The following TMEM120B variants were observed in gnomAD, a reference collection of about 807,000 sequenced individuals.
TMEM120B encodes transmembrane protein 120B.
TMEM120B carries 31 observed loss-of-function variants against 55.5 expected under a neutral mutation model. The observed-to-expected ratio is 0.56, with a 90% CI of 0.42 to 0.75. The LOEUF (loss-of-function observed/expected upper bound fraction) is 0.75, where lower values mean the gene tolerates loss of function less well. TMEM120B is among the 30% of genes least tolerant of loss of function. TMEM120B has a pLI of 0.00. For missense variants in TMEM120B, 399 were observed against 425.5 expected, an observed-to-expected ratio of 0.94 and a Z score of 0.55; for synonymous variants, 203 against 176.3, an observed-to-expected ratio of 1.15 and a Z score of -1.20.
At chr12:121,752,362 C>T (rs1472364346) in intron 5 of TMEM120B, 139 bp downstream of exon 5, 2 of 677,104 alleles carry the variant, frequency 3.0e-6, no homozygotes, top group Non-Finnish European at 5.1e-6. Context: ...AGAGAGGGGC[C>T]ATTTCTCATG....
rs532984269 is a variant in TMEM120B at position 121,733,870 on chromosome 12, CAT to C, written c.70-9756_70-9755del. Among the ~76,000 whole-genome samples the C allele has an allele frequency of 1.9e-4, 29 of 151,872 alleles. No homozygotes were observed. The South Asian group carries it at 2.5e-3, about 13-fold the overall frequency. ...TTGTTATGTGCGTAGATCTCCAAGACATATTATTGAGTGAGAAAAGCAAGTTA... is the reference window on the plus strand; with the variant it reads ...TTGTTATGTGCGTAGATCTCCAAGACATTATTGAGTGAGAAAAGCAAGTTA... On this transcript the variant is annotated intron_variant, in intron 1 of 11. Coordinates refer to ENST00000449592, the MANE Select transcript of TMEM120B (RefSeq NM_001080825.2).
chr12:121,738,034 G>T (rs184280040), intron 1 of TMEM120B, among the ~76,000 whole-genome samples: 1 of 144,922 alleles, frequency 6.9e-6, no homozygotes, highest in Non-Finnish European at 1.5e-5. Context: ...AAAAAAGAAA[G>T]TCCAGGCACA....
chr12:121,779,371 C>T lies in TMEM120B; in HGVS notation c.*3649C>T. On this transcript the variant is annotated 3_prime_UTR_variant, in exon 12 of 12. Coordinates refer to ENST00000449592, the MANE Select transcript of TMEM120B (RefSeq NM_001080825.2). ...GAAAGGAGAGAGTTCCAGAATGTTC[C>T]AAGAGTCTAGCCGCAGGCCCCAGAC... The T allele has an allele frequency of 9.9e-7, 1 of 1,008,378 alleles. No individual in the cohort carries two copies. Among genetic ancestry groups the T allele is most frequent in the Non-Finnish European group, 1.4e-6 (1 of 700,158 alleles). The allele number at this position is 1,008,378 out of a possible 1,614,324, so 62.5% of individuals were successfully genotyped here.
intron 6 of TMEM120B, among the ~76,000 whole-genome samples, chr12:121,769,194 G>A (rs1332549387): frequency 6.6e-6 from 1 of 151,716 alleles, no homozygotes; most frequent in Non-Finnish European, 1.5e-5. Flanking sequence ...CCCAGCTGGG[G>A]GAGTGCTGAG....
rs201824357 is a variant in TMEM120B, at chr12:121,775,674, C to T, written c.972C>T (p.Val324=). 370 of 1,613,954 alleles carry T rather than the reference C, an allele frequency of 2.3e-4. 1 individual carries two copies. The highest frequency in any genetic ancestry group is 3.0e-4 in the Non-Finnish European group (353 of 1,179,984). Residue 324 remains valine (V), a synonymous_variant, in exon 12 of 12, where the codon GTC becomes GTT. Coordinates refer to ENST00000449592, the MANE Select transcript of TMEM120B (RefSeq NM_001080825.2). The surrounding 1 kb of genome is among the most constrained non-coding windows in gnomAD (Gnocchi z 4.3). ...FLGNFLTTLK[V]VHAKLQKNRG... ...GCAACTTCCTGACCACGCTCAAAGT[C>T]GTGCATGCCAAGCTCCAGAAGAACA...
chr12:121,714,325 C>G (rs866379688), intron 1 of TMEM120B, among the ~76,000 whole-genome samples: 1 of 152,008 alleles, frequency 6.6e-6, no homozygotes, highest in Non-Finnish European at 1.5e-5. Context: ...GGCGTGATCT[C>G]GGCTTACTAC....
chr12:121,719,057 A>T (rs1205612441), intron 1 of TMEM120B, among the ~76,000 whole-genome samples: 1 of 151,912 alleles, frequency 6.6e-6, no homozygotes, highest in Non-Finnish European at 1.5e-5. Flanking sequence ...CCCAGGGCTG[A>T]CTCTCATTGG....
rs776269169 is a variant in TMEM120B at position 121,775,167 on chromosome 12, G to A, written c.906+37G>A. 8 of 1,466,792 alleles carry A rather than the reference G, an allele frequency of 5.5e-6. No homozygotes were observed. Among genetic ancestry groups the A allele is most frequent in the Middle Eastern group, 2.3e-4 (1 of 4,286 alleles). 90.9% of individuals were successfully genotyped at this position (1,466,792 alleles called of 1,614,324 possible). ...GGGGGCATGCTCGGGGGAGGTTCCC[G>A]GGAGGGCTGGGGTGGCAGGGATGGG... On this transcript the variant is annotated intron_variant, in intron 11 of 11. Transcript: ENST00000449592. The surrounding 1 kb of genome is among the most constrained non-coding windows in gnomAD (Gnocchi z 4.3).
rs1252189849 is a variant in TMEM120B, at chr12:121,779,482, G to A, written c.*3760G>A. ...CGGGCCCTGTCAGTGCTGTCGTGAG[G>A]TCTGTCTGCCCTGGGTCAGAGCAGC... On this transcript the variant is annotated 3_prime_UTR_variant, in exon 12 of 12. Transcript: ENST00000449592. 1 of 1,609,420 alleles carries A rather than the reference G, an allele frequency of 6.2e-7. No individual in the cohort carries two copies. Among genetic ancestry groups the A allele is most frequent in the African/African-American group, 1.3e-5 (1 of 74,924 alleles).
chr12:121,757,373 A>C (rs1246169040), intron 5 of TMEM120B, among the ~76,000 whole-genome samples: 1 of 151,170 alleles, frequency 6.6e-6, no homozygotes, highest in African/African-American at 2.4e-5. Flanking sequence ...ACAGAGTCTC[A>C]CTCTGTCTCC....
At chr12:121,767,179 G>C (rs1873876126) in intron 6 of TMEM120B, among the ~76,000 whole-genome samples, 1 of 152,168 alleles carries the variant, frequency 6.6e-6, no homozygotes, top group African/African-American at 2.4e-5. Flanking sequence ...TGTTTTGTTT[G>C]AGATGGAGTC....
Position 121,781,071 on chromosome 12 carries a change from G to C in TMEM120B, c.*5349G>C, listed in dbSNP as rs1874436811. 2 of 1,614,052 alleles carry C rather than the reference G, an allele frequency of 1.2e-6. No individual in the cohort carries two copies. Among genetic ancestry groups the C allele is most frequent in the Non-Finnish European group, 8.5e-7 (1 of 1,180,008 alleles). On this transcript the variant is annotated 3_prime_UTR_variant, in exon 12 of 12. Coordinates refer to ENST00000449592, the MANE Select transcript of TMEM120B (RefSeq NM_001080825.2). ...CCAGATGTGGGGCCACCACCCAGGA[G>C]GCCGGCCTCACCTTGATGAGGACGT...
At chr12:121,714,381 G>GA (rs1894655952) in intron 1 of TMEM120B, among the ~76,000 whole-genome samples, 2 of 151,240 alleles carry the variant, frequency 1.3e-5, no homozygotes, top group African/African-American at 2.4e-5. Context: ...TCAGCCTCCT[G>GA]AGTAGCTGGA....
chr12:121,748,251 T>C (rs1439935355), intron 2 of TMEM120B, 75 bp from the exon 3 acceptor site: 2 of 1,156,914 alleles, frequency 1.7e-6, no homozygotes, highest in Non-Finnish European at 2.6e-6. Flanking sequence ...GGTGGGAGGC[T>C]GGGGCCCGGG....
At chr12:121,730,612 C>G (rs1286471370) in intron 1 of TMEM120B, among the ~76,000 whole-genome samples, 2 of 144,654 alleles carry the variant, frequency 1.4e-5, no homozygotes, top group African/African-American at 5.1e-5. Flanking sequence ...GATCACTCCA[C>G]TGCACTCCAG....
chr12:121,743,612 G>A lies in TMEM120B; in HGVS notation c.70-17G>A. ...ATATTCTCCCACACACCCTCCCCCG[G>A]GTCCCCTGTTCTTCAGGAGACGCAC... On this transcript the variant is annotated splice_polypyrimidine_tract_variant and intron_variant, in intron 1 of 11. Coordinates refer to ENST00000449592, the MANE Select transcript of TMEM120B (RefSeq NM_001080825.2). 2 of 1,600,966 alleles carry A rather than the reference G, an allele frequency of 1.2e-6. No individual in the cohort carries two copies. The highest frequency in any genetic ancestry group is 1.7e-6 in the Non-Finnish European group (2 of 1,169,424).
At chr12:121,751,697 G>A (rs7978640) in intron 4 of TMEM120B, among the ~76,000 whole-genome samples, 2,511 of 146,670 alleles carry the variant, frequency 0.017, 85 homozygotes, top group African/African-American at 0.061. Flanking sequence ...TATGTTGGGT[G>A]GACAGGACTT....
In TMEM120B at chr12:121,776,157, T is replaced by C; in HGVS notation, c.*435T>C. 2.7e-6 allele frequency: 1 copy of C among 372,190 alleles called. No individual in the cohort carries two copies. The highest frequency in any genetic ancestry group is 4.8e-6 in the Non-Finnish European group (1 of 208,280). The allele number at this position is 372,190 out of a possible 1,614,324, so 23.1% of individuals were successfully genotyped here. A position where few individuals can be genotyped will look rare whatever the true frequency, so the allele number is the denominator to read the frequency against. On this transcript the variant is annotated 3_prime_UTR_variant, in exon 12 of 12. Transcript: ENST00000449592. ...GGTGGTGTGAACCCTCAGTGTCCTG[T>C]GGCGCCCCCACCCCGGGGCCACTCT...
intron 8 of TMEM120B, among the ~76,000 whole-genome samples, chr12:121,771,910 A>G (rs956497157): frequency 2.0e-5 from 3 of 152,240 alleles, no homozygotes; most frequent in Admixed American, 6.5e-5. Context: ...ACTGGTCCCA[A>G]GGGTTGCCTC....
Sources: gnomAD v4.1 joint callset for allele counts (sites outside exome capture counted in the v4.1 genomes callset) on GRCh38, gnomAD v4.1.1 for gene constraint, Gnocchi (gnomAD v3.1) non-coding constraint, MANE v1.5 for transcripts, NCBI Gene and HGNC (gene_info 2026-07-23, HGNC 2026-07-21) for gene names.